Variants in DYM observed in about 807,000 individuals in gnomAD.
The protein encoded by DYM is dymeclin.
In DYM, 78 loss-of-function variants were observed where a neutral mutation model predicts 93.1. That is an observed-to-expected ratio of 0.84 (90% CI 0.70 to 1.01). The LOEUF (loss-of-function observed/expected upper bound fraction) is 1.01, where lower values mean the gene tolerates loss of function less well. Ranked by LOEUF, DYM falls within the 50% of genes least tolerant of loss-of-function variation. The pLI is 0.00. For missense variants in DYM, 789 were observed against 845.0 expected, an observed-to-expected ratio of 0.93 and a Z score of 0.82; for synonymous variants, 321 against 319.7, an observed-to-expected ratio of 1.00 and a Z score of -0.04.
At chr18:49,088,844 T>A (rs2078792653) in intron 17 of DYM, among the ~76,000 whole-genome samples, 1 of 151,876 alleles carries the variant, frequency 6.6e-6, no homozygotes, top group Non-Finnish European at 1.5e-5. Flanking sequence ...CAGGGTGGAG[T>A]ACAGTGGTAG....
intron 15 of DYM, among the ~76,000 whole-genome samples, chr18:49,148,856 T>C (rs186224428): frequency 4.9e-4 from 75 of 152,312 alleles, no homozygotes; most frequent in Non-Finnish European, 6.2e-4. Context: ...CCAGGGACCG[T>C]TTCATGGAAG....
At chr18:49,440,947 A>ATAATATAT (rs553107253) in intron 1 of DYM, among the ~76,000 whole-genome samples, 1 of 700 alleles carries the variant, frequency 1.4e-3, no homozygotes, top group Non-Finnish European at 2.2e-3. Context: ...TATATAATAT[A>ATAATATAT]TTATATAAAT....
intron 13 of DYM, among the ~76,000 whole-genome samples, chr18:49,239,248 A>C (rs1223541076): frequency 1.3e-5 from 2 of 152,264 alleles, no homozygotes; most frequent in African/African-American, 4.8e-5. Context: ...AAGGAAAAAA[A>C]TGCAAAGAAT....
chr18:49,213,248 T>C (rs2092871247), intron 13 of DYM, among the ~76,000 whole-genome samples: 1 of 151,768 alleles, frequency 6.6e-6, no homozygotes, highest in Non-Finnish European at 1.5e-5. Context: ...TATTTTTCAG[T>C]ACTTTAATAA....
At chr18:49,055,928 C>A (rs920439976) in intron 17 of DYM, among the ~76,000 whole-genome samples, 1 of 152,192 alleles carries the variant, frequency 6.6e-6, no homozygotes, top group Admixed American at 6.5e-5. Flanking sequence ...AAGCAACCAG[C>A]GGCTGACTCT....
At chr18:49,090,250 A>G (rs2078923724) in intron 17 of DYM, among the ~76,000 whole-genome samples, 1 of 152,202 alleles carries the variant, frequency 6.6e-6, no homozygotes, top group Admixed American at 6.5e-5. Flanking sequence ...TGATTGTTGA[A>G]TTCTGCAGAG....
chr18:49,069,600 G>C (rs2076726534), intron 17 of DYM, among the ~76,000 whole-genome samples: 1 of 152,230 alleles, frequency 6.6e-6, no homozygotes, highest in Non-Finnish European at 1.5e-5. Context: ...ATAAAAGTAA[G>C]ACTCATGTGT....
At chr18:49,097,874 G>GCTCTCTCT (rs61301668) in intron 16 of DYM, among the ~76,000 whole-genome samples, 2,269 of 141,204 alleles carry the variant, frequency 0.016, 33 homozygotes, top group Middle Eastern at 0.023. Flanking sequence ...CTTAATATTA[G>GCTCTCTCT]CTCTCTCTCT....
At chr18:49,430,150 AC>A in intron 2 of DYM, 104 bp downstream of exon 2, 1 of 1,064,530 alleles carries the variant, frequency 9.4e-7, no homozygotes. Context: ...TGACAGATAG[AC>A]TAGATAGATA....
At chr18:49,145,108 C>CATATATATATATATATATATATATAT (rs56212722) in intron 15 of DYM, among the ~76,000 whole-genome samples, 12 of 18,744 alleles carry the variant, frequency 6.4e-4, no homozygotes, top group Admixed American at 9.2e-4. Context: ...CAAAAAAATT[C>CATATATATATATATATATATATATAT]ATATATATAT....
intron 13 of DYM, among the ~76,000 whole-genome samples, chr18:49,218,140 G>A (rs1220688590): frequency 6.6e-6 from 1 of 152,054 alleles, no homozygotes; most frequent in East Asian, 1.9e-4. Context: ...AACCAACAAA[G>A]GTCAAAAGAG....
At chr18:49,133,917 T>C (rs1275814856) in intron 15 of DYM, among the ~76,000 whole-genome samples, 3 of 152,238 alleles carry the variant, frequency 2.0e-5, no homozygotes, top group Admixed American at 2.0e-4. Context: ...CAGGGGCTAT[T>C]ATTATACCTA....
intron 13 of DYM, among the ~76,000 whole-genome samples, chr18:49,219,938 C>T (rs576733882): frequency 1.5e-4 from 22 of 146,764 alleles, no homozygotes; most frequent in African/African-American, 5.2e-4. Flanking sequence ...AAAGGGTATT[C>T]AATTAGAAAA....
At chr18:49,241,497 T>C (rs1027054845) in intron 13 of DYM, among the ~76,000 whole-genome samples, 5 of 152,186 alleles carry the variant, frequency 3.3e-5, no homozygotes, top group African/African-American at 1.2e-4. Context: ...ATATGAGTGA[T>C]AGAGTAAGCC....
intron 8 of DYM, among the ~76,000 whole-genome samples, chr18:49,312,744 G>C (rs2061677200): frequency 1.3e-5 from 2 of 152,152 alleles, no homozygotes; most frequent in Non-Finnish European, 2.9e-5. Flanking sequence ...GGCCAAGCAA[G>C]ACCCAGGCGG....
chr18:49,425,333 C>T (rs1600154804), intron 2 of DYM, among the ~76,000 whole-genome samples: 1 of 152,188 alleles, frequency 6.6e-6, no homozygotes, highest in South Asian at 2.1e-4. Flanking sequence ...GGAAAACTGG[C>T]TAGCCATATG....
At chr18:49,208,182 CAAAAAAAAA>C (rs138264681) in intron 14 of DYM, among the ~76,000 whole-genome samples, 1 of 58,304 alleles carries the variant, frequency 1.7e-5, no homozygotes, top group Non-Finnish European at 3.6e-5. Flanking sequence ...GACTCCATCT[CAAAAAAAAA>C]AAAAAAAAAA....
At chr18:49,333,022 C>T (rs977721779) in intron 7 of DYM, among the ~76,000 whole-genome samples, 16 of 152,170 alleles carry the variant, frequency 1.1e-4, no homozygotes, top group Non-Finnish European at 1.8e-4. Context: ...AACATACATG[C>T]CACAGGAATA....
rs547373654 is a variant in DYM at position 49,266,882 on chromosome 18, C to T, written c.1251+5296G>A. On this transcript the variant is annotated intron_variant, in intron 11 of 17. Transcript: ENST00000675505. ...TTGTCCAAAGTCTGAAAACCATTTT[C>T]ATATATTTTGCTTACAGTGGAAAAG... is the stretch of plus-strand genomic sequence containing the variant. Among the ~76,000 whole-genome samples the T allele has an allele frequency of 2.6e-5, 4 of 152,182 alleles. No individual in the cohort carries two copies. The East Asian group carries it at 7.7e-4, about 29-fold the overall frequency.
Sources: gnomAD v4.1 joint callset for allele counts (sites outside exome capture counted in the v4.1 genomes callset) on GRCh38, gnomAD v4.1.1 for gene constraint, MANE v1.5 for transcripts, NCBI Gene and HGNC (gene_info 2026-07-23, HGNC 2026-07-21) for gene names.